Variants in IL1RAPL1 observed in about 807,000 individuals in gnomAD.
IL1RAPL1 encodes interleukin 1 receptor accessory protein like 1.
A neutral mutation model predicts 48.4 loss-of-function variants in IL1RAPL1; 3 were observed. That is an observed-to-expected ratio of 0.06 (90% CI 0.03 to 0.16). The LOEUF (loss-of-function observed/expected upper bound fraction) is 0.16, where lower values mean the gene tolerates loss of function less well. Ranked by LOEUF, IL1RAPL1 falls within the 10% of genes least tolerant of loss-of-function variation. The pLI is 1.00. For synonymous variants in IL1RAPL1, 185 were observed against 187.7 expected (o/e 0.99, Z 0.12); for missense variants, 349 against 530.6 (o/e 0.66, Z 3.36).
intron 2 of IL1RAPL1, among the ~76,000 whole-genome samples, chrX:29,101,386 G>A (rs1037448537): frequency 5.4e-5 from 6 of 111,446 alleles, no homozygotes; most frequent in Non-Finnish European, 1.1e-4. Flanking sequence ...GTGCAGCTTC[G>A]GACTCAGTGG....
At chrX:28,955,073 T>A (rs1924567857) in intron 2 of IL1RAPL1, among the ~76,000 whole-genome samples, 1 of 111,990 alleles carries the variant, frequency 8.9e-6, no homozygotes, top group African/African-American at 3.2e-5. Context: ...AAATCCTTGA[T>A]GGATTATTAG....
chrX:28,776,880 ATG>A (rs770780552), intron 1 of IL1RAPL1, among the ~76,000 whole-genome samples: 16 of 112,154 alleles, frequency 1.4e-4, no homozygotes, highest in Non-Finnish European at 5.6e-5. Flanking sequence ...TGAAAACTGA[ATG>A]TGAAAAATTA....
intron 5 of IL1RAPL1, among the ~76,000 whole-genome samples, chrX:29,547,342 A>G (rs1463400468): frequency 9.0e-6 from 1 of 111,274 alleles, no homozygotes; most frequent in Admixed American, 9.6e-5. Context: ...GTGATGCCCA[A>G]AGTCTTACTA....
In IL1RAPL1 at chrX:29,608,004, A is replaced by G. The variant is rs763619737; in HGVS notation, c.704-60426A>G. 2.7e-5 allele frequency among the ~76,000 whole-genome samples: 3 copies of G among 112,272 alleles called. No homozygotes were observed. In the East Asian group the frequency reaches 8.3e-4, roughly 31 times the overall value. ...GTCGTGTGAATATTATAGCTAAAAC[A>G]ATGAAGATTTATTATATTTTAAAAT... On this transcript the variant is annotated intron_variant, in intron 5 of 10. Transcript: ENST00000378993.
At chrX:29,540,995 A>C (rs1315698687) in intron 5 of IL1RAPL1, among the ~76,000 whole-genome samples, 2 of 112,073 alleles carry the variant, frequency 1.8e-5, no homozygotes, top group Admixed American at 1.9e-4. Flanking sequence ...TAAACAGACA[A>C]CCTACAGAAT....
At chrX:29,552,411 C>T (rs1285319141) in intron 5 of IL1RAPL1, among the ~76,000 whole-genome samples, 1 of 111,003 alleles carries the variant, frequency 9.0e-6, no homozygotes, top group Admixed American at 9.6e-5. Context: ...TGCATGGGTA[C>T]GTAGGTTTCT....
intron 2 of IL1RAPL1, among the ~76,000 whole-genome samples, chrX:28,798,191 T>G (rs1936635373): frequency 9.0e-6 from 1 of 111,160 alleles, no homozygotes; most frequent in South Asian, 3.9e-4. Flanking sequence ...TATCAATGTT[T>G]ATTGTAGAGA....
chrX:29,036,809 A>G (rs1223362493), intron 2 of IL1RAPL1, among the ~76,000 whole-genome samples: 6 of 111,284 alleles, frequency 5.4e-5, no homozygotes, highest in Non-Finnish European at 1.1e-4. Flanking sequence ...AGGACTCAGA[A>G]CCATTAATGT....
intron 2 of IL1RAPL1, among the ~76,000 whole-genome samples, chrX:28,897,802 T>C (rs1220701530): frequency 9.9e-5 from 11 of 111,655 alleles, no homozygotes; most frequent in South Asian, 7.6e-4. Context: ...GGGCCGAGTC[T>C]GAAAAGAAAG....
chrX:29,879,006 T>C (rs898661237), intron 6 of IL1RAPL1, among the ~76,000 whole-genome samples: 3 of 111,105 alleles, frequency 2.7e-5, no homozygotes, highest in Non-Finnish European at 5.7e-5. Context: ...GCAGCCTACA[T>C]AGAGTTCATT....
intron 2 of IL1RAPL1, among the ~76,000 whole-genome samples, chrX:29,100,214 AAAAT>A (rs1479583068): frequency 8.9e-6 from 1 of 111,764 alleles, no homozygotes; most frequent in Non-Finnish European, 1.9e-5. Context: ...CCATCTCCAA[AAAAT>A]AAATAAATAA....
intron 1 of IL1RAPL1, among the ~76,000 whole-genome samples, chrX:28,685,836 T>A (rs896276286): frequency 8.9e-6 from 1 of 111,983 alleles, no homozygotes; most frequent in Admixed American, 9.5e-5. Flanking sequence ...ACTTCTCCCT[T>A]CTCAAGATTT....
At chrX:29,649,800 A>G (rs1409167875) in intron 5 of IL1RAPL1, among the ~76,000 whole-genome samples, 2 of 111,300 alleles carry the variant, frequency 1.8e-5, no homozygotes, top group African/African-American at 6.5e-5. Flanking sequence ...ATCCAAATGG[A>G]AAAGGAAGAT....
rs1174556304 is a variant in IL1RAPL1 at position 29,129,287 on chromosome X, C to T, written c.83-153651C>T. 5.4e-5 allele frequency among the ~76,000 whole-genome samples: 6 copies of T among 111,101 alleles called. No homozygotes were observed. In the East Asian group the frequency reaches 1.7e-3, roughly 31 times the overall value. On this transcript the variant is annotated intron_variant, in intron 2 of 10. Coordinates refer to ENST00000378993, the MANE Select transcript of IL1RAPL1 (RefSeq NM_014271.4). ...CAAACTCCCGACCTCAGGTGATCCCCCTGCCTCGGCCTCCCAAAGTTCTGG... is the reference window on the plus strand; with the variant it reads ...CAAACTCCCGACCTCAGGTGATCCCTCTGCCTCGGCCTCCCAAAGTTCTGG...
chrX:29,555,501 C>T (rs1334261487), intron 5 of IL1RAPL1, among the ~76,000 whole-genome samples: 2 of 112,041 alleles, frequency 1.8e-5, no homozygotes, highest in African/African-American at 6.5e-5. Flanking sequence ...TGTTCATGCA[C>T]AGTGCAATTT....
chrX:29,587,429 ATTAGATAG>A (rs1427812983), intron 5 of IL1RAPL1, among the ~76,000 whole-genome samples: 4 of 110,657 alleles, frequency 3.6e-5, no homozygotes, highest in Admixed American at 9.7e-5. Flanking sequence ...CAAAATTTCA[ATTAGATAG>A]GAAGAGTAAG....
chrX:28,648,541 A>C (rs914299695), intron 1 of IL1RAPL1, among the ~76,000 whole-genome samples: 1 of 112,099 alleles, frequency 8.9e-6, no homozygotes, highest in African/African-American at 3.2e-5. Flanking sequence ...GAAGACCACT[A>C]CCTCAGGAGA....
intron 3 of IL1RAPL1, among the ~76,000 whole-genome samples, chrX:29,312,177 C>T (rs1405768828): frequency 8.1e-5 from 9 of 111,564 alleles, no homozygotes; most frequent in Admixed American, 9.5e-5. Context: ...TGGTGGCTCA[C>T]GCCTGTAATC....
chrX:28,664,827 T>G (rs751937391), intron 1 of IL1RAPL1, among the ~76,000 whole-genome samples: 9 of 111,723 alleles, frequency 8.1e-5, no homozygotes, highest in Non-Finnish European at 1.5e-4. Context: ...TTACACAACA[T>G]TGTAGTTACT....
Sources: gnomAD v4.1 joint callset for allele counts (sites outside exome capture counted in the v4.1 genomes callset) on GRCh38, gnomAD v4.1.1 for gene constraint, MANE v1.5 for transcripts, NCBI Gene and HGNC (gene_info 2026-07-23, HGNC 2026-07-21) for gene names.